The following INPP4B variants were observed in gnomAD, a reference collection of about 807,000 sequenced individuals.
The protein encoded by INPP4B is inositol polyphosphate-4-phosphatase type II B.
INPP4B carries 55 observed loss-of-function variants against 122.5 expected under a neutral mutation model. That is an observed-to-expected ratio of 0.45 (90% CI 0.36 to 0.56). The LOEUF is 0.56. Ranked by LOEUF, INPP4B falls within the 20% of genes least tolerant of loss-of-function variation. INPP4B has a pLI of 0.00. For synonymous variants in INPP4B, 403 were observed against 388.7 expected, an observed-to-expected ratio of 1.04 and a Z score of -0.43; for missense variants, 1,000 against 1,097.7, an observed-to-expected ratio of 0.91 and a Z score of 1.26.
At chr4:142,330,808 A>G (rs1221335172) in intron 7 of INPP4B, among the ~76,000 whole-genome samples, 1 of 152,202 alleles carries the variant, frequency 6.6e-6, no homozygotes, top group Non-Finnish European at 1.5e-5. Context: ...GTTTACACTC[A>G]GTATTCTTGC....
At chr4:142,111,205 A>C (rs1789848009) in intron 22 of INPP4B, among the ~76,000 whole-genome samples, 1 of 152,138 alleles carries the variant, frequency 6.6e-6, no homozygotes, top group Non-Finnish European at 1.5e-5. Flanking sequence ...ATTATAGATA[A>C]GAAAGCATGT....
chr4:142,150,447 G>A (rs192616989), intron 17 of INPP4B, among the ~76,000 whole-genome samples: 206 of 152,324 alleles, frequency 1.4e-3, no homozygotes, highest in African/African-American at 4.9e-3. Flanking sequence ...CTGTATGAAG[G>A]AAGTAATGGG....
chr4:142,483,932 A>C (rs1820898829), intron 2 of INPP4B, among the ~76,000 whole-genome samples: 2 of 152,006 alleles, frequency 1.3e-5, no homozygotes, highest in African/African-American at 4.8e-5. Flanking sequence ...GGTGAGAGAG[A>C]AGTTGGTAAG....
chr4:142,546,851 A>G (rs112163435), intron 2 of INPP4B, among the ~76,000 whole-genome samples: 332 of 152,302 alleles, frequency 2.2e-3, no homozygotes, highest in Middle Eastern at 3.4e-3. Flanking sequence ...CATTTATAAA[A>G]GTAAAACATG....
At chr4:142,246,116 A>G (rs1301426946) in intron 11 of INPP4B, among the ~76,000 whole-genome samples, 2 of 149,254 alleles carry the variant, frequency 1.3e-5, no homozygotes, top group Admixed American at 6.6e-5. Context: ...ACATATATAT[A>G]TGTGTATGTA....
At chr4:142,669,624 A>G (rs968070006) in intron 2 of INPP4B, among the ~76,000 whole-genome samples, 19 of 152,348 alleles carry the variant, frequency 1.2e-4, no homozygotes, top group African/African-American at 4.6e-4. Context: ...GAATGAAATT[A>G]GACCTTTCTC....
At chr4:142,147,234 A>T (rs336401) in intron 17 of INPP4B, among the ~76,000 whole-genome samples, 151,254 of 152,320 alleles carry the variant, frequency 0.99, 75,106 homozygotes, top group East Asian at 1. Flanking sequence ...TCCTTAGTGG[A>T]TTGTACATTT....
At chr4:142,170,538 T>C (rs1825111319) in intron 16 of INPP4B, among the ~76,000 whole-genome samples, 1 of 151,688 alleles carries the variant, frequency 6.6e-6, no homozygotes, top group South Asian at 2.1e-4. Context: ...ATTTAATATT[T>C]CTCTGCCTCA....
chr4:142,728,370 A>T (rs1765602547), intron 1 of INPP4B, among the ~76,000 whole-genome samples: 1 of 152,236 alleles, frequency 6.6e-6, no homozygotes, highest in African/African-American at 2.4e-5. Context: ...AGGTGCAGGC[A>T]TCAAGTAGAC....
intron 9 of INPP4B, among the ~76,000 whole-genome samples, chr4:142,295,961 A>T (rs1369676569): frequency 6.6e-6 from 1 of 152,216 alleles, no homozygotes; most frequent in Non-Finnish European, 1.5e-5. Flanking sequence ...TTCAGGTCAA[A>T]TATAATTCCT....
At chr4:142,537,429 T>TATATAGAGAGAGAG (rs1200701380) in intron 2 of INPP4B, among the ~76,000 whole-genome samples, 8 of 25,478 alleles carry the variant, frequency 3.1e-4, no homozygotes, top group Non-Finnish European at 4.6e-4. Flanking sequence ...TATATATATA[T>TATATAGAGAGAGAG]AGAGAGAGAG....
chr4:142,362,364 C>A (rs1210313075), intron 7 of INPP4B, among the ~76,000 whole-genome samples: 1 of 151,414 alleles, frequency 6.6e-6, no homozygotes. Context: ...TTTAACAAGG[C>A]AGATTTAACA....
chr4:142,330,842 A>G (rs1159993916), intron 7 of INPP4B, among the ~76,000 whole-genome samples: 1 of 152,184 alleles, frequency 6.6e-6, no homozygotes, highest in East Asian at 1.9e-4. Flanking sequence ...AAAGAAGTGA[A>G]CTAAATTGGA....
intron 7 of INPP4B, among the ~76,000 whole-genome samples, chr4:142,370,919 T>C (rs1789654192): frequency 1.3e-5 from 2 of 151,874 alleles, no homozygotes; most frequent in African/African-American, 4.8e-5. Flanking sequence ...CTCATAGAAG[T>C]AGAAAAAGAT....
chr4:142,447,500 G>A (rs1041347655), intron 3 of INPP4B, among the ~76,000 whole-genome samples: 1 of 152,178 alleles, frequency 6.6e-6, no homozygotes, highest in African/African-American at 2.4e-5. Context: ...CAGGGTACAG[G>A]CACAAAGTAA....
intron 15 of INPP4B, among the ~76,000 whole-genome samples, chr4:142,178,379 C>A (rs1829291042): frequency 6.6e-6 from 1 of 152,126 alleles, no homozygotes; most frequent in South Asian, 2.1e-4. Flanking sequence ...TTATCTATTG[C>A]AAGATAAATA....
At chr4:142,469,665 G>A (rs1454973910) in intron 2 of INPP4B, among the ~76,000 whole-genome samples, 1 of 152,104 alleles carries the variant, frequency 6.6e-6, no homozygotes, top group East Asian at 1.9e-4. Context: ...GAAAACATGG[G>A]TATCCCAGAA....
rs377291719 is a variant in INPP4B, at chr4:142,557,403, G to T, written c.-190-94677C>A. Among the ~76,000 whole-genome samples the T allele has an allele frequency of 5.9e-5, 9 of 152,216 alleles. No homozygotes were observed. The East Asian group carries it at 1.5e-3, about 26-fold the overall frequency. ...AATTACTTCAAAGACCTGGAGAGAC[G>T]CACAGACCTTGAAGTTCACCTAGTC... On this transcript the variant is annotated intron_variant, in intron 2 of 25. Coordinates refer to ENST00000262992, the MANE Select transcript of INPP4B (RefSeq NM_001101669.3).
intron 7 of INPP4B, among the ~76,000 whole-genome samples, chr4:142,344,164 A>T (rs1342727197): frequency 2.0e-5 from 3 of 152,100 alleles, no homozygotes; most frequent in African/African-American, 7.2e-5. Context: ...TGTGAAGAAG[A>T]GCACGGATTT....
Sources: allele counts gnomAD v4.1 joint callset (sites outside exome capture counted in the v4.1 genomes callset), GRCh38; gene constraint gnomAD v4.1.1; transcripts MANE v1.5; gene names NCBI Gene and HGNC (gene_info 2026-07-23, HGNC 2026-07-21).